UBE2E1: variants seen among roughly 807,000 people sequenced by gnomAD.
UBE2E1 encodes ubiquitin-conjugating enzyme E2 E1.
Under a neutral mutation model 21.4 loss-of-function variants are expected in UBE2E1, and 6 were observed. The observed-to-expected ratio is 0.28, with a 90% CI of 0.15 to 0.55. The LOEUF (loss-of-function observed/expected upper bound fraction) is 0.55. Ranked by LOEUF, UBE2E1 falls within the 20% of genes least tolerant of loss-of-function variation. The pLI is 0.93. For synonymous variants in UBE2E1, 87 were observed against 82.7 expected, an observed-to-expected ratio of 1.05 and a Z score of -0.28; for missense variants, 142 against 236.5, an observed-to-expected ratio of 0.60 and a Z score of 2.62.
chr3:23,848,823 G>T (rs1029378695), intron 3 of UBE2E1, among the ~76,000 whole-genome samples: 2 of 152,170 alleles, frequency 1.3e-5, no homozygotes, highest in Non-Finnish European at 2.9e-5. Context: ...GGAATCAAAG[G>T]GGGAGAGGTG....
In UBE2E1 at chr3:23,842,905, T is replaced by C. The variant is rs923470281; in HGVS notation, c.203+31395T>C. Among the ~76,000 whole-genome samples the C allele has an allele frequency of 6.6e-6, 1 of 152,116 alleles. No individual in the cohort carries two copies. The highest frequency in any genetic ancestry group is 1.5e-5 in the Non-Finnish European group (1 of 68,028). ...CTCTGAGGGCAAGGGCTTGTTTTAT[T>C]TGAATAAAGAACCCTATAGTAGCAT... is the stretch of plus-strand genomic sequence containing the variant. On this transcript the variant is annotated intron_variant, in intron 3 of 5. Coordinates refer to ENST00000306627, the MANE Select transcript of UBE2E1 (RefSeq NM_003341.5). This position sits in a 1 kb window ranked among gnomAD's most constrained non-coding sequence, Gnocchi z 4.6.
chr3:23,817,570 T>C (rs6774787), intron 3 of UBE2E1, among the ~76,000 whole-genome samples: 43,057 of 152,048 alleles, frequency 0.28, 6,090 homozygotes, highest in Admixed American at 0.31. Flanking sequence ...GCAGATATCA[T>C]GTTATAAAGT....
intron 3 of UBE2E1, among the ~76,000 whole-genome samples, chr3:23,829,079 TA>T (rs1385322672): frequency 6.6e-6 from 1 of 151,960 alleles, no homozygotes; most frequent in Non-Finnish European, 1.5e-5. Flanking sequence ...TTGTATTTTT[TA>T]TTTTTTTCTT....
chr3:23,852,335 T>C (rs1266964782), intron 3 of UBE2E1, among the ~76,000 whole-genome samples: 1 of 152,246 alleles, frequency 6.6e-6, no homozygotes, highest in Non-Finnish European at 1.5e-5. Context: ...TATTTTATGC[T>C]TATGTTAAAT....
chr3:23,820,356 G>C (rs1699620471), intron 3 of UBE2E1, among the ~76,000 whole-genome samples: 1 of 152,146 alleles, frequency 6.6e-6, no homozygotes, highest in Non-Finnish European at 1.5e-5. Context: ...TATGCTAATG[G>C]CTCTTTTCTT....
chr3:23,814,279 G>A (rs1699463747), intron 3 of UBE2E1, among the ~76,000 whole-genome samples: 1 of 152,174 alleles, frequency 6.6e-6, no homozygotes, highest in Admixed American at 6.5e-5. Context: ...CAAAACTTAT[G>A]TGAAATGCAA....
intron 3 of UBE2E1, among the ~76,000 whole-genome samples, chr3:23,819,169 A>T (rs1487301295): frequency 6.6e-6 from 1 of 152,162 alleles, no homozygotes; most frequent in African/African-American, 2.4e-5. Flanking sequence ...CTGTAGTCCC[A>T]GCTACTCAGG....
chr3:23,884,992 A>T lies in UBE2E1; in HGVS notation c.204-2575A>T, dbSNP rs180692826. 4.3e-4 allele frequency among the ~76,000 whole-genome samples: 65 copies of T among 152,296 alleles called. 1 individual carries two copies. Among genetic ancestry groups the T allele is most frequent in the African/African-American group, 1.5e-3 (64 of 41,556 alleles). On this transcript the variant is annotated intron_variant, in intron 3 of 5. Coordinates refer to ENST00000306627, the MANE Select transcript of UBE2E1 (RefSeq NM_003341.5). ...TAGCTGTATCAGCCAGTGTCTCTAGACTTTCTTCAGTTTGCTATAACAAAG... is the reference window on the plus strand; with the variant it reads ...TAGCTGTATCAGCCAGTGTCTCTAGTCTTTCTTCAGTTTGCTATAACAAAG...
chr3:23,826,287 C>A (rs1425113296), intron 3 of UBE2E1, among the ~76,000 whole-genome samples: 1 of 152,174 alleles, frequency 6.6e-6, no homozygotes, highest in African/African-American at 2.4e-5. Context: ...CATTACTCAG[C>A]TGGTCTTGAC....
At chr3:23,859,845 T>C (rs917856648) in intron 3 of UBE2E1, among the ~76,000 whole-genome samples, 1 of 152,192 alleles carries the variant, frequency 6.6e-6, no homozygotes, top group Non-Finnish European at 1.5e-5. Context: ...CCTAGCATAG[T>C]ATTGAACAAA....
intron 3 of UBE2E1, among the ~76,000 whole-genome samples, chr3:23,862,143 C>G (rs765683852): frequency 2.0e-5 from 3 of 152,228 alleles, no homozygotes; most frequent in Non-Finnish European, 4.4e-5. Flanking sequence ...GAGCCACACC[C>G]CCATCACACA....
intron 3 of UBE2E1, among the ~76,000 whole-genome samples, chr3:23,829,727 G>C (rs1249501751): frequency 6.6e-6 from 1 of 152,220 alleles, no homozygotes; most frequent in East Asian, 1.9e-4. Context: ...AAGGGGTCTA[G>C]AAGAGCGGTT....
chr3:23,850,837 CTTTTTTT>C (rs71057628), intron 3 of UBE2E1, among the ~76,000 whole-genome samples: 4 of 128,412 alleles, frequency 3.1e-5, no homozygotes, highest in Admixed American at 8.2e-5. Context: ...CCACACCCAG[CTTTTTTT>C]TTTTTTTTTT....
At chr3:23,826,466 C>T (rs1429796849) in intron 3 of UBE2E1, among the ~76,000 whole-genome samples, 1 of 152,208 alleles carries the variant, frequency 6.6e-6, no homozygotes, top group Non-Finnish European at 1.5e-5. Flanking sequence ...AGTTTGGCTT[C>T]CTCCTCCTTC....
chr3:23,855,245 C>T (rs1280059145), intron 3 of UBE2E1, among the ~76,000 whole-genome samples: 2 of 152,164 alleles, frequency 1.3e-5, no homozygotes, highest in East Asian at 3.8e-4. Flanking sequence ...CTAGGAAACA[C>T]TTCTACCATT....
At chr3:23,884,172 TTC>T (rs1337703318) in intron 3 of UBE2E1, among the ~76,000 whole-genome samples, 3 of 152,050 alleles carry the variant, frequency 2.0e-5, no homozygotes, top group African/African-American at 2.4e-5. Flanking sequence ...TTGATTTCTT[TTC>T]TGTTTTGTCT....
intron 3 of UBE2E1, among the ~76,000 whole-genome samples, chr3:23,811,815 A>G (rs1699399651): frequency 6.6e-6 from 1 of 152,242 alleles, no homozygotes; most frequent in Non-Finnish European, 1.5e-5. Context: ...GCCATTAAAG[A>G]TGATGTAAAA....
intron 3 of UBE2E1, among the ~76,000 whole-genome samples, chr3:23,840,814 T>G (rs1360572621): frequency 2.0e-5 from 3 of 152,218 alleles, no homozygotes; most frequent in African/African-American, 7.2e-5. Context: ...TTGTGAACTC[T>G]GACCACTTAG....
intron 3 of UBE2E1, among the ~76,000 whole-genome samples, chr3:23,820,633 C>A (rs1284938066): frequency 6.6e-6 from 1 of 152,030 alleles, no homozygotes; most frequent in African/African-American, 2.4e-5. Flanking sequence ...ACATGCTGAC[C>A]CAAATATGAC....
Sources: allele counts gnomAD v4.1 joint callset (sites outside exome capture counted in the v4.1 genomes callset), GRCh38; gene constraint gnomAD v4.1.1; non-coding constraint Gnocchi (gnomAD v3.1); transcripts MANE v1.5; gene names NCBI Gene and HGNC (gene_info 2026-07-23, HGNC 2026-07-21).